Variants in COP1 observed in about 807,000 individuals in gnomAD.
COP1 encodes the protein E3 ubiquitin-protein ligase COP1.
A neutral mutation model predicts 101.3 loss-of-function variants in COP1; 24 were observed. The ratio of observed to expected loss-of-function variants is 0.24; its 90% CI spans 0.17 to 0.33. COP1 has a LOEUF of 0.33. Among genes scored for constraint, COP1 ranks in the 10% least tolerant of loss-of-function variants. The pLI, the probability that COP1 is intolerant of heterozygous loss-of-function variation, is 1.00. For missense variants in COP1, 663 were observed against 906.2 expected (o/e 0.73, Z 3.45); for synonymous variants, 347 against 341.9 (o/e 1.01, Z -0.17).
intron 8 of COP1, chr1:176,133,921 C>T (rs1343977118): frequency 5.3e-6 from 2 of 379,410 alleles, no homozygotes; most frequent in Non-Finnish European, 1.1e-5. Flanking sequence ...ACAATATACA[C>T]AGACCAAGTC....
chr1:175,993,564 T>A (rs1458927931), intron 15 of COP1, among the ~76,000 whole-genome samples: 1 of 152,062 alleles, frequency 6.6e-6, no homozygotes, highest in Non-Finnish European at 1.5e-5. Context: ...CTGATGGAGC[T>A]GAAAGCCAAG....
At chr1:176,127,709 A>G (rs73042741) in intron 8 of COP1, among the ~76,000 whole-genome samples, 8,077 of 152,188 alleles carry the variant, frequency 0.053, 459 homozygotes, top group Middle Eastern at 0.14. Flanking sequence ...AATGGGACAA[A>G]GAAGATGGGA....
At position 176,095,845 on chromosome 1, in the gene COP1, AT is replaced by A. The variant is rs566262520; in HGVS notation, c.1027-9956del. ...ACACTGTTCTTCATTACTATTCATA[AT>A]TTTTTTTAAAAAAACATATAAAAAT... is the stretch of plus-strand genomic sequence containing the variant. On this transcript the variant is annotated intron_variant, in intron 9 of 19. Coordinates refer to ENST00000367669, the MANE Select transcript of COP1 (RefSeq NM_022457.7). Among the ~76,000 whole-genome samples the A allele has an allele frequency of 5.5e-4, 84 of 152,212 alleles. 1 individual carries two copies. Among genetic ancestry groups the A allele is most frequent in the Middle Eastern group, 6.8e-3 (2 of 294 alleles).
chr1:176,113,511 T>A (rs1685639508), intron 9 of COP1, among the ~76,000 whole-genome samples: 1 of 152,242 alleles, frequency 6.6e-6, no homozygotes, highest in Non-Finnish European at 1.5e-5. Flanking sequence ...ATTCAGTTTC[T>A]ACTGGTTTCT....
intron 18 of COP1, among the ~76,000 whole-genome samples, chr1:175,976,862 T>G (rs1654719850): frequency 6.6e-6 from 1 of 152,198 alleles, no homozygotes; most frequent in Non-Finnish European, 1.5e-5. Context: ...CATGAGGACT[T>G]TTTTTGAAAG....
At chr1:176,124,881 C>G (rs999882737) in intron 8 of COP1, among the ~76,000 whole-genome samples, 26 of 152,202 alleles carry the variant, frequency 1.7e-4, no homozygotes, top group African/African-American at 6.0e-4. Context: ...TACATTCCCA[C>G]CAGCACCATA....
rs192741748 is a variant in COP1, at chr1:176,128,326, T to C, written c.968+6684A>G. ...TTACCTATCAATTTTAATGAGAAAT[T>C]ACAGGTGTATGAAGAGTATCCCCTA... On this transcript the variant is annotated intron_variant, in intron 8 of 19. Coordinates refer to ENST00000367669, the MANE Select transcript of COP1 (RefSeq NM_022457.7). Among the ~76,000 whole-genome samples the C allele has an allele frequency of 1.1e-4, 16 of 152,168 alleles. No individual in the cohort carries two copies. In the East Asian group the frequency reaches 3.1e-3, roughly 29 times the overall value.
chr1:176,180,136 CCTT>C (rs1172787476), intron 2 of COP1, among the ~76,000 whole-genome samples: 1 of 152,034 alleles, frequency 6.6e-6, no homozygotes, highest in Non-Finnish European at 1.5e-5. Context: ...GCCAATCAGC[CCTT>C]CTTCTATTTG....
intron 18 of COP1, among the ~76,000 whole-genome samples, chr1:175,963,735 T>C (rs879527226): frequency 1.1e-4 from 16 of 152,184 alleles, no homozygotes; most frequent in Non-Finnish European, 1.8e-4. Flanking sequence ...CAAAAGCCCC[T>C]ATCTTCATAA....
chr1:175,979,145 G>A (rs1048583452), intron 18 of COP1, among the ~76,000 whole-genome samples: 1 of 152,022 alleles, frequency 6.6e-6, no homozygotes, highest in Admixed American at 6.6e-5. Flanking sequence ...ATTTCCCAAG[G>A]AGACCTGGGG....
chr1:176,019,507 A>C lies in COP1; in HGVS notation c.1729+8065T>G, dbSNP rs1309952012. ...AATAATAATAATAATAATAATAATA[A>C]CCATCATCATCATCATCACTACTAC... is the stretch of plus-strand genomic sequence containing the variant. On this transcript the variant is annotated intron_variant, in intron 15 of 19. Transcript: ENST00000367669. Among the ~76,000 whole-genome samples, 12 of 146,744 alleles carry C rather than the reference A, an allele frequency of 8.2e-5. No homozygotes were observed. In the East Asian group the frequency reaches 2.2e-3, roughly 27 times the overall value.
At chr1:176,200,178 A>C (rs1463048683) in intron 1 of COP1, among the ~76,000 whole-genome samples, 2 of 152,220 alleles carry the variant, frequency 1.3e-5, no homozygotes, top group Non-Finnish European at 2.9e-5. Context: ...GTGAAGATTA[A>C]ACAAGTAACG....
In COP1 at chr1:176,206,827, C is replaced by G; in HGVS notation, c.152G>C (p.Gly51Ala). The change falls in exon 1 of 20, where the codon GGG becomes GCG. Residue 51 changes from glycine to alanine, a missense_variant. Gly to Ala is a moderately conservative substitution (Grantham distance 60, BLOSUM62 0). Coordinates refer to ENST00000367669, the MANE Select transcript of COP1 (RefSeq NM_022457.7). ...AVSAAALVSG[G>A]VAQAAGSGGL... The stretch of plus-strand genomic sequence containing the variant: ...GCCCGAGCCGGCGGCCTGGGCCACC[C>G]CGCCGGACACCAGCGCTGCCGCCGA... 7.1e-7 allele frequency: 1 copy of G among 1,408,888 alleles called. No individual in the cohort carries two copies. Among genetic ancestry groups the G allele is most frequent in the Non-Finnish European group, 9.2e-7 (1 of 1,088,082 alleles). The allele number at this position is 1,408,888 out of a possible 1,614,324, so 87.3% of individuals were successfully genotyped here. A position where few individuals can be genotyped will look rare whatever the true frequency, so the allele number is the denominator to read the frequency against.
chr1:176,113,194 C>T (rs1302701704), intron 9 of COP1, among the ~76,000 whole-genome samples: 2 of 152,162 alleles, frequency 1.3e-5, no homozygotes, highest in South Asian at 2.1e-4. Context: ...TCTTTCTCCA[C>T]GTCCTTTCTA....
intron 6 of COP1, among the ~76,000 whole-genome samples, chr1:176,138,570 CA>C (rs1469575491): frequency 2.6e-5 from 4 of 152,132 alleles, no homozygotes; most frequent in African/African-American, 9.7e-5. Context: ...AACAGCTGCT[CA>C]ATTGATACTG....
At chr1:176,067,994 G>A (rs910279449) in intron 11 of COP1, among the ~76,000 whole-genome samples, 17 of 152,314 alleles carry the variant, frequency 1.1e-4, no homozygotes, top group Admixed American at 8.5e-4. Context: ...CTGCAAGGGG[G>A]ACAAGGGAAC....
chr1:176,004,431 G>A (rs929941224), intron 15 of COP1, among the ~76,000 whole-genome samples: 20 of 122,766 alleles, frequency 1.6e-4, no homozygotes, highest in Admixed American at 1.5e-3. Context: ...TCTTGTGCCA[G>A]TTTTCAAAGG....
At chr1:175,990,036 T>C (rs903766237) in intron 15 of COP1, among the ~76,000 whole-genome samples, 8 of 151,978 alleles carry the variant, frequency 5.3e-5, no homozygotes, top group African/African-American at 1.7e-4. Context: ...TCCTTCCTTC[T>C]GCTTGTCTTC....
chr1:176,069,176 C>G (rs749611111), intron 11 of COP1, among the ~76,000 whole-genome samples: 1 of 151,458 alleles, frequency 6.6e-6, no homozygotes, highest in Non-Finnish European at 1.5e-5. Flanking sequence ...CAGGGTGAGA[C>G]CTCATCTCAA....
Sources: allele counts gnomAD v4.1 joint callset (sites outside exome capture counted in the v4.1 genomes callset), GRCh38; gene constraint gnomAD v4.1.1; transcripts MANE v1.5; gene names NCBI Gene and HGNC (gene_info 2026-07-23, HGNC 2026-07-21).